The following MATN2 variants were observed in gnomAD, a reference collection of about 807,000 sequenced individuals.
The protein encoded by MATN2 is matrilin-2.
A neutral mutation model predicts 103.2 loss-of-function variants in MATN2; 69 were observed. The ratio of observed to expected loss-of-function variants is 0.67; its 90% CI spans 0.55 to 0.82. The LOEUF (loss-of-function observed/expected upper bound fraction) is 0.82, where lower values mean the gene tolerates loss of function less well. Among genes scored for constraint, MATN2 ranks in the 40% least tolerant of loss-of-function variants. The probability of loss-of-function intolerance (pLI) is 0.00; values close to 1 mark genes in which losing one functional copy is unlikely to be tolerated. For synonymous variants in MATN2, 429 were observed against 450.2 expected (o/e 0.95, Z 0.60); for missense variants, 1,023 against 1,211.5 (o/e 0.84, Z 2.31).
In MATN2 at chr8:98,007,617, A is replaced by T; in HGVS notation, c.1573+16A>T. On this transcript the variant is annotated intron_variant, in intron 10 of 18. Transcript: ENST00000254898. The surrounding 1 kb of genome is among the most constrained non-coding windows in gnomAD (Gnocchi z 4.2). The stretch of plus-strand genomic sequence containing the variant: ...ACGTGTGCAAGTAAGTGTCTGAAGG[A>T]CAAGCAGGACCTGCACAGGTGTTCC... 6.2e-7 allele frequency: 1 copy of T among 1,603,750 alleles called. No homozygotes were observed. The highest frequency in any genetic ancestry group is 8.5e-7 in the Non-Finnish European group (1 of 1,171,732).
At chr8:97,979,693 G>T (rs1310573389) in intron 6 of MATN2, among the ~76,000 whole-genome samples, 1 of 152,136 alleles carries the variant, frequency 6.6e-6, no homozygotes, top group East Asian at 1.9e-4. Context: ...CTTCTATAGG[G>T]AGGATCACTT....
chr8:97,992,831 A>C (rs1812440591), intron 6 of MATN2, among the ~76,000 whole-genome samples: 1 of 150,368 alleles, frequency 6.7e-6, no homozygotes, highest in Non-Finnish European at 1.5e-5. Context: ...GAAGCAGGAG[A>C]ATTGCTTGAA....
chr8:97,869,540 G>A (rs1817824760), intron 1 of MATN2, among the ~76,000 whole-genome samples: 1 of 152,146 alleles, frequency 6.6e-6, no homozygotes, highest in Non-Finnish European at 1.5e-5. Flanking sequence ...AGGACAAGCC[G>A]CGCTGCAGCC....
Position 98,007,259 on chromosome 8 carries a change from A to G in MATN2, c.1450+32A>G, listed in dbSNP as rs1335819762. On this transcript the variant is annotated intron_variant, in intron 9 of 18. Transcript: ENST00000254898. The surrounding 1 kb of genome is among the most constrained non-coding windows in gnomAD (Gnocchi z 4.2). The stretch of plus-strand genomic sequence containing the variant: ...CCCTCCGCGCTCCTCTCATAGGGGA[A>G]GGTTTGCACCAGGAGTGAAACCTAT... 2 of 1,612,600 alleles carry G rather than the reference A, an allele frequency of 1.2e-6. No homozygotes were observed. Among genetic ancestry groups the G allele is most frequent in the Non-Finnish European group, 1.7e-6 (2 of 1,179,408 alleles).
chr8:97,913,375 C>T (rs368075190), intron 2 of MATN2, among the ~76,000 whole-genome samples: 3 of 147,108 alleles, frequency 2.0e-5, no homozygotes, highest in African/African-American at 7.6e-5. Context: ...AGTGCAGTGG[C>T]ACGATCTTGG....
In MATN2 at chr8:97,978,993, A is replaced by T; in HGVS notation, c.1066A>T (p.Lys356Ter). 1 of 1,610,542 alleles carries T rather than the reference A, an allele frequency of 6.2e-7. No individual in the cohort carries two copies. Among genetic ancestry groups the T allele is most frequent in the Non-Finnish European group, 8.5e-7 (1 of 1,178,578 alleles). The change falls in exon 6 of 19, where the codon AAA becomes TAA. Residue 356 changes from lysine (K) to a stop codon, truncating the protein, a stop_gained. Transcript: ENST00000254898. LOFTEE classifies it high-confidence loss of function. ...CHEGFALNPD[K>*]KTCTKIDYCA... The stretch of plus-strand genomic sequence containing the variant: ...TGAAGGATTTGCTCTTAACCCAGAT[A>T]AAAAAACGTGCACAAGTAAGTTACA...
rs1421829946 is a variant in MATN2, at chr8:97,941,175, AAAAAAAAAAAG to A, written c.713-598_713-588del. On this transcript the variant is annotated intron_variant, in intron 3 of 18. Transcript: ENST00000254898. ...AGACCTTGTCTCAAAAAAAAAAAAA[AAAAAAAAAAAG>A]AAAGAAAGAAAGAAAAGATGCTAAA... Among the ~76,000 whole-genome samples the A allele has an allele frequency of 7.4e-5, 11 of 147,926 alleles. 1 individual carries two copies. Among genetic ancestry groups the A allele is most frequent in the Admixed American group, 3.4e-4 (5 of 14,748 alleles).
chr8:98,015,760 C>T (rs1813337712), intron 10 of MATN2, among the ~76,000 whole-genome samples: 1 of 152,236 alleles, frequency 6.6e-6, no homozygotes, highest in Non-Finnish European at 1.5e-5. Context: ...CATCCCTCTT[C>T]TCCTGACACC....
chr8:97,980,476 C>T (rs1811979952), intron 6 of MATN2, among the ~76,000 whole-genome samples: 1 of 150,490 alleles, frequency 6.6e-6, no homozygotes, highest in Non-Finnish European at 1.5e-5. Context: ...TCTTGGTGAT[C>T]TTGGGCAAGT....
rs1814249925 is a variant in MATN2 at position 98,036,379 on chromosome 8, AT to A, written c.*668del. ...ACCCATCAGCTTAGCAAAAATGAGT[AT>A]ATTTTTTAACAAGTGTTGGTAAGGA... On this transcript the variant is annotated 3_prime_UTR_variant, in exon 19 of 19. Coordinates refer to ENST00000254898, the MANE Select transcript of MATN2 (RefSeq NM_002380.5). 1 of 152,366 alleles carries A rather than the reference AT, an allele frequency of 6.6e-6. No individual in the cohort carries two copies. Among genetic ancestry groups the A allele is most frequent in the African/African-American group, 2.4e-5 (1 of 41,588 alleles). 9.4% of individuals were successfully genotyped at this position (152,366 alleles called of 1,614,324 possible).
chr8:97,890,285 T>C (rs1169162490), intron 2 of MATN2, among the ~76,000 whole-genome samples: 2 of 152,072 alleles, frequency 1.3e-5, no homozygotes, highest in Non-Finnish European at 2.9e-5. Flanking sequence ...ACCAACATGG[T>C]GAAACCCTGT....
chr8:98,000,475 T>A (rs1554613579), intron 7 of MATN2, among the ~76,000 whole-genome samples: 1 of 151,454 alleles, frequency 6.6e-6, no homozygotes, highest in Non-Finnish European at 1.5e-5. Flanking sequence ...CGGGCACCTG[T>A]AGTCCCAGCT....
chr8:97,960,657 C>G (rs1811281254), intron 4 of MATN2, among the ~76,000 whole-genome samples: 1 of 152,148 alleles, frequency 6.6e-6, no homozygotes, highest in Non-Finnish European at 1.5e-5. Flanking sequence ...CTCCATTTTC[C>G]TCGTTTGTTA....
At position 97,888,066 on chromosome 8, in the gene MATN2, T is replaced by C; in HGVS notation, c.-26-9T>C. ...ACCCTGCCCTCTTCTTGTGTTGTGT[T>C]TGTCACAGCCTTGCCCCTCTTGCTC... On this transcript the variant is annotated splice_polypyrimidine_tract_variant and intron_variant, in intron 1 of 18. Coordinates refer to ENST00000254898, the MANE Select transcript of MATN2 (RefSeq NM_002380.5). The C allele has an allele frequency of 6.3e-7, 1 of 1,598,344 alleles. No homozygotes were observed.
chr8:97,955,887 G>T (rs566384700), intron 4 of MATN2, among the ~76,000 whole-genome samples: 28 of 152,352 alleles, frequency 1.8e-4, no homozygotes, highest in Non-Finnish European at 3.7e-4. Context: ...AGGGCACACA[G>T]GTTCCCTAAC....
chr8:98,016,812 A>G (rs1813379405), intron 11 of MATN2, 150 bp downstream of exon 11: 1 of 847,692 alleles, frequency 1.2e-6, no homozygotes. Flanking sequence ...CTGAAAGAGA[A>G]AATGGACATT....
At chr8:97,884,114 C>T (rs1221066310) in intron 1 of MATN2, among the ~76,000 whole-genome samples, 1 of 151,436 alleles carries the variant, frequency 6.6e-6, no homozygotes, top group Non-Finnish European at 1.5e-5. Flanking sequence ...ACAAAATTAG[C>T]AGTGTATACT....
intron 4 of MATN2, among the ~76,000 whole-genome samples, chr8:97,955,223 T>A (rs1346320731): frequency 1.3e-5 from 2 of 152,082 alleles, no homozygotes; most frequent in Non-Finnish European, 1.5e-5. Flanking sequence ...TGATAAGCCA[T>A]TAAGGGTTTT....
chr8:97,970,601 A>G (rs569474727), intron 5 of MATN2, among the ~76,000 whole-genome samples: 11 of 152,330 alleles, frequency 7.2e-5, no homozygotes, highest in African/African-American at 2.2e-4. Context: ...GTCAGGTGCC[A>G]TAGCCAAGAA....
Sources: gnomAD v4.1 joint callset for allele counts (sites outside exome capture counted in the v4.1 genomes callset) on GRCh38, gnomAD v4.1.1 for gene constraint, Gnocchi (gnomAD v3.1) non-coding constraint, MANE v1.5 for transcripts, NCBI Gene and HGNC (gene_info 2026-07-23, HGNC 2026-07-21) for gene names.